CHST11: variants seen among roughly 807,000 people sequenced by gnomAD.
The protein encoded by CHST11 is carbohydrate sulfotransferase 11, also known as C4S-1.
CHST11 carries 9 observed loss-of-function variants against 30.4 expected under a neutral mutation model. The ratio of observed to expected loss-of-function variants is 0.30; its 90% CI spans 0.18 to 0.52. The LOEUF (loss-of-function observed/expected upper bound fraction) is 0.52. Ranked by LOEUF, CHST11 falls within the 20% of genes least tolerant of loss-of-function variation. The pLI, the probability that CHST11 is intolerant of heterozygous loss-of-function variation, is 0.97. For missense variants in CHST11, 348 were observed against 460.6 expected (o/e 0.76, Z 2.24); for synonymous variants, 152 against 187.8 (o/e 0.81, Z 1.56).
rs1344169809 is a variant in CHST11 at position 104,729,404 on chromosome 12, T to C, written c.205-27545T>C. On this transcript the variant is annotated intron_variant, in intron 2 of 2. Coordinates refer to ENST00000303694, the MANE Select transcript of CHST11 (RefSeq NM_018413.6). The surrounding 1 kb of genome is among the most constrained non-coding windows in gnomAD (Gnocchi z 4.0). ...TGATTGTGAGCCAGTCATTAAGTAC[T>C]GAGGATTCAAGCAGTGTTTCTCTGC... Among the ~76,000 whole-genome samples, 2 of 152,198 alleles carry C rather than the reference T, an allele frequency of 1.3e-5. No individual in the cohort carries two copies. The highest frequency in any genetic ancestry group is 2.9e-5 in the Non-Finnish European group (2 of 68,034).
chr12:104,702,612 G>A (rs1188316290), intron 2 of CHST11, among the ~76,000 whole-genome samples: 1 of 152,146 alleles, frequency 6.6e-6, no homozygotes, highest in African/African-American at 2.4e-5. Context: ...AGGGAGAGGA[G>A]AGACAGCCCT....
At chr12:104,545,822 G>GCT (rs34407607) in intron 1 of CHST11, among the ~76,000 whole-genome samples, 1 of 100,644 alleles carries the variant, frequency 9.9e-6, no homozygotes, top group Non-Finnish European at 2.2e-5. Context: ...TCTCTCTCTT[G>GCT]CTCTCTGTCT....
At chr12:104,560,595 A>G (rs1020388469) in intron 1 of CHST11, among the ~76,000 whole-genome samples, 3 of 152,224 alleles carry the variant, frequency 2.0e-5, no homozygotes, top group African/African-American at 7.2e-5. Context: ...GCAGCAGAAA[A>G]GGCACAAGAC....
chr12:104,648,029 G>C (rs139047607), intron 2 of CHST11, among the ~76,000 whole-genome samples: 1 of 152,328 alleles, frequency 6.6e-6, no homozygotes, highest in Non-Finnish European at 1.5e-5. Context: ...GCCACATGCT[G>C]TCACTTGCAT....
At chr12:104,634,042 C>G (rs2039298889) in intron 2 of CHST11, among the ~76,000 whole-genome samples, 1 of 152,226 alleles carries the variant, frequency 6.6e-6, no homozygotes, top group Non-Finnish European at 1.5e-5. Flanking sequence ...TCAGTACTTA[C>G]TATGCCAGGC....
chr12:104,610,866 G>A (rs1267937983), intron 2 of CHST11, among the ~76,000 whole-genome samples: 1 of 152,174 alleles, frequency 6.6e-6, no homozygotes, highest in East Asian at 1.9e-4. Flanking sequence ...TTTGAGCACT[G>A]GAGACCTTGT....
At chr12:104,540,579 C>T (rs1214758645) in intron 1 of CHST11, among the ~76,000 whole-genome samples, 1 of 152,178 alleles carries the variant, frequency 6.6e-6, no homozygotes, top group Non-Finnish European at 1.5e-5. Flanking sequence ...ACCTGAGGCC[C>T]CTCTCCTGTA....
chr12:104,752,124 A>G (rs1473218902), intron 2 of CHST11, among the ~76,000 whole-genome samples: 1 of 152,190 alleles, frequency 6.6e-6, no homozygotes, highest in East Asian at 1.9e-4. Flanking sequence ...TTGGCAGGGC[A>G]TGCTCTCTCT....
At chr12:104,566,422 T>G (rs2038567701) in intron 1 of CHST11, among the ~76,000 whole-genome samples, 1 of 152,154 alleles carries the variant, frequency 6.6e-6, no homozygotes, top group South Asian at 2.1e-4. Flanking sequence ...GGAAATAATT[T>G]TAGACTCACA....
At chr12:104,544,183 A>AAAGAAAGAAAGG (rs2038319638) in intron 1 of CHST11, among the ~76,000 whole-genome samples, 2 of 147,372 alleles carry the variant, frequency 1.4e-5, no homozygotes, top group Non-Finnish European at 3.0e-5. Flanking sequence ...AGAAAGAAAG[A>AAAGAAAGAAAGG]CCTGAAAAGA....
At chr12:104,550,116 C>T (rs750152256) in intron 1 of CHST11, among the ~76,000 whole-genome samples, 2 of 152,072 alleles carry the variant, frequency 1.3e-5, no homozygotes, top group African/African-American at 2.4e-5. Context: ...GTGGCTGTGC[C>T]GAGTTGATGT....
chr12:104,672,500 G>A (rs1437284010), intron 2 of CHST11, among the ~76,000 whole-genome samples: 5 of 152,236 alleles, frequency 3.3e-5, no homozygotes, highest in African/African-American at 9.6e-5. Context: ...GCTATCCCAT[G>A]CCTTGTGGCC....
At chr12:104,571,430 T>A (rs1156463610) in intron 1 of CHST11, among the ~76,000 whole-genome samples, 1 of 152,212 alleles carries the variant, frequency 6.6e-6, no homozygotes, top group Non-Finnish European at 1.5e-5. Context: ...CCCAAAGTGC[T>A]GGGATTACAG....
In CHST11 at chr12:104,570,435, C is replaced by T. The variant is rs1433869437; in HGVS notation, c.119-31471C>T. 3.9e-5 allele frequency among the ~76,000 whole-genome samples: 6 copies of T among 152,238 alleles called. No homozygotes were observed. The East Asian group carries it at 5.8e-4, about 15-fold the overall frequency. On this transcript the variant is annotated intron_variant, in intron 1 of 2. Coordinates refer to ENST00000303694, the MANE Select transcript of CHST11 (RefSeq NM_018413.6). ...AGCACTGTGCAGCCCACCCAAGCCACGTGCCTTCTTGGTGTCCCATCTATG... is the reference window on the plus strand; with the variant it reads ...AGCACTGTGCAGCCCACCCAAGCCATGTGCCTTCTTGGTGTCCCATCTATG...
At chr12:104,578,967 T>C (rs911079752) in intron 1 of CHST11, among the ~76,000 whole-genome samples, 2 of 152,228 alleles carry the variant, frequency 1.3e-5, no homozygotes, top group Non-Finnish European at 2.9e-5. Context: ...TGAGGGCCTA[T>C]TTTGGGCCTG....
At chr12:104,476,136 TTA>T (rs915519951) in intron 1 of CHST11, among the ~76,000 whole-genome samples, 6 of 139,864 alleles carry the variant, frequency 4.3e-5, no homozygotes, top group Admixed American at 3.7e-4. Flanking sequence ...ATATAATATA[TTA>T]TATATTATAA....
intron 1 of CHST11, among the ~76,000 whole-genome samples, chr12:104,569,467 C>T (rs916202745): frequency 1.3e-5 from 2 of 152,188 alleles, no homozygotes; most frequent in African/African-American, 4.8e-5. Context: ...TGAGCAGTTA[C>T]CTTCAAAACT....
At chr12:104,564,271 G>A (rs1357654579) in intron 1 of CHST11, among the ~76,000 whole-genome samples, 1 of 152,200 alleles carries the variant, frequency 6.6e-6, no homozygotes, top group Admixed American at 6.5e-5. Context: ...ACACTCCAGA[G>A]TCCAAACACT....
intron 2 of CHST11, 111 bp downstream of exon 2, chr12:104,602,102 T>A (rs1485455862): frequency 2.7e-6 from 2 of 750,330 alleles, no homozygotes; most frequent in Non-Finnish European, 4.6e-6. Flanking sequence ...TTTCACAGCC[T>A]GGCATTTTAC....
Sources: allele counts gnomAD v4.1 joint callset (sites outside exome capture counted in the v4.1 genomes callset), GRCh38; gene constraint gnomAD v4.1.1; non-coding constraint Gnocchi (gnomAD v3.1); transcripts MANE v1.5; gene names NCBI Gene and HGNC (gene_info 2026-07-23, HGNC 2026-07-21).